Variants in SYNE2 observed in about 807,000 individuals in gnomAD.
The protein encoded by SYNE2 is spectrin repeat containing nuclear envelope protein 2.
SYNE2 carries 431 observed loss-of-function variants against 856.3 expected under a neutral mutation model. The observed-to-expected ratio is 0.50, with a 90% confidence interval of 0.47 to 0.55. The LOEUF is 0.55. SYNE2 is among the 20% of genes least tolerant of loss of function. SYNE2 has a pLI of 0.00. For missense variants in SYNE2, 8,129 were observed against 8,023.2 expected (o/e 1.01, Z -0.50); for synonymous variants, 2,923 against 2,872.3 (o/e 1.02, Z -0.56).
At position 64,188,653 on chromosome 14, in the gene SYNE2, A is replaced by G; in HGVS notation, c.17816A>G (p.Lys5939Arg). Reference sequence around the variant, plus strand: ...GCCTGGCTGGTGCAGATGGAAAACAAAGTTCTACAGACAGCGGACATTAGT... The same window carrying G: ...GCCTGGCTGGTGCAGATGGAAAACAGAGTTCTACAGACAGCGGACATTAGT... ...LCAWLVQMEN[K>R]VLQTADISIE... The change falls in exon 98 of 116, where the codon AAA (lysine) becomes AGA (arginine). Residue 5939 changes from lysine to arginine, a missense_variant. Around this residue, in one of 3 missense-constraint regions of SYNE2, gnomAD observed 5,410 missense variants for 5,284.8 expected, o/e 1.02. Coordinates refer to ENST00000555002, the MANE Select transcript of SYNE2 (RefSeq NM_182914.3). 1.2e-6 allele frequency: 2 copies of G among 1,614,230 alleles called. No individual in the cohort carries two copies. The highest frequency in any genetic ancestry group is 1.7e-6 in the Non-Finnish European group (2 of 1,180,042).
At chr14:64,097,818 G>A (rs2097689693) in intron 61 of SYNE2, 131 bp from the exon 62 acceptor site, 2 of 877,310 alleles carry the variant, frequency 2.3e-6, no homozygotes, top group African/African-American at 3.3e-5. Context: ...CCGTACCAGA[G>A]ACTAGCTTCT....
At chr14:63,966,574 C>A (rs890184058) in intron 10 of SYNE2, among the ~76,000 whole-genome samples, 3 of 151,470 alleles carry the variant, frequency 2.0e-5, no homozygotes, top group African/African-American at 4.8e-5. Flanking sequence ...TTTTTCCCCC[C>A]CCGAGACAGG....
chr14:63,846,856 C>T (rs897024424), intron 1 of SYNE2, among the ~76,000 whole-genome samples: 3 of 151,996 alleles, frequency 2.0e-5, no homozygotes, highest in Non-Finnish European at 2.9e-5. Context: ...CTCTGCCTCT[C>T]GAAGTGTTGG....
chr14:63,936,670 G>A (rs996651439), intron 2 of SYNE2, among the ~76,000 whole-genome samples: 5 of 152,352 alleles, frequency 3.3e-5, no homozygotes, highest in South Asian at 2.1e-4. Context: ...GCTGGGGCTT[G>A]TAGCCATCAT....
At chr14:64,151,483 A>AAAAAAAAAAAAAAG (rs1263244537) in intron 84 of SYNE2, among the ~76,000 whole-genome samples, 5 of 102,442 alleles carry the variant, frequency 4.9e-5, no homozygotes, top group African/African-American at 2.2e-4. Flanking sequence ...TCAAAAAAAA[A>AAAAAAAAAAAAAAG]GCTGGGATCC....
chr14:63,816,194 G>A (rs773015022), intron 1 of SYNE2, among the ~76,000 whole-genome samples: 16 of 151,962 alleles, frequency 1.1e-4, no homozygotes, highest in East Asian at 1.9e-4. Context: ...TGATATGCCC[G>A]CCTCGGCCTC....
intron 86 of SYNE2, among the ~76,000 whole-genome samples, 198 bp downstream of exon 86, chr14:64,158,993 G>C (rs2098307822): frequency 6.6e-6 from 1 of 151,944 alleles, no homozygotes; most frequent in South Asian, 2.1e-4. Context: ...TAAAATGTTT[G>C]AATTTTGAGT....
chr14:63,768,164 T>C (rs537650490), intron 1 of SYNE2, among the ~76,000 whole-genome samples: 1 of 151,842 alleles, frequency 6.6e-6, no homozygotes, highest in African/African-American at 2.4e-5. Flanking sequence ...CAATCCAGCC[T>C]GGGTGATGAA....
intron 16 of SYNE2, 92 bp from the exon 17 acceptor site, chr14:63,982,526 AAAAAAAAAAAAG>A: frequency 1.6e-6 from 2 of 1,241,388 alleles, no homozygotes; most frequent in Non-Finnish European, 2.2e-6. Context: ...TCTCAAAAAA[AAAAAAAAAAAAG>A]AAAAGAAAAA....
At chr14:64,167,719 G>A in intron 92 of SYNE2, 80 bp downstream of exon 92, 2 of 1,591,096 alleles carry the variant, frequency 1.3e-6, no homozygotes, top group Non-Finnish European at 1.7e-6. Context: ...ATAAAACACA[G>A]GGAGTGTACC....
chr14:64,158,589 A>C, intron 85 of SYNE2, 36 bp from the exon 86 acceptor site: 1 of 1,611,682 alleles, frequency 6.2e-7, no homozygotes, highest in South Asian at 1.1e-5. Flanking sequence ...CTTCTCAGTG[A>C]TTTTCTAAAT....
At chr14:64,179,549 T>A (rs1292684381) in intron 96 of SYNE2, among the ~76,000 whole-genome samples, 1 of 152,240 alleles carries the variant, frequency 6.6e-6, no homozygotes, top group African/African-American at 2.4e-5. Context: ...TATACAACAA[T>A]TTATATATCC....
At chr14:64,107,924 G>A (rs1447606687) in intron 65 of SYNE2, among the ~76,000 whole-genome samples, 1 of 152,124 alleles carries the variant, frequency 6.6e-6, no homozygotes, top group Non-Finnish European at 1.5e-5. Context: ...AGTAGAGAAG[G>A]GTTAATATTG....
In SYNE2 at chr14:63,802,981, A is replaced by G. The variant is rs563645947; in HGVS notation, c.-305+40995A>G. 5.5e-4 allele frequency among the ~76,000 whole-genome samples: 84 copies of G among 152,318 alleles called. No individual in the cohort carries two copies. In the South Asian group the frequency reaches 8.1e-3, roughly 15 times the overall value. On this transcript the variant is annotated intron_variant, in intron 1 of 23. Transcript: ENST00000674003. ...AGGAAGATTTATTGCAAAGAGCGAA[A>G]GAACAAAACTTCCACAGTGTGGAAG...
intron 1 of SYNE2, among the ~76,000 whole-genome samples, chr14:63,812,421 A>C (rs2139830016): frequency 6.6e-6 from 1 of 152,302 alleles, no homozygotes; most frequent in East Asian, 1.9e-4. Context: ...CACTGATTTC[A>C]TATTGTTCAA....
chr14:64,149,951 C>T (rs1430970955), intron 84 of SYNE2, among the ~76,000 whole-genome samples: 1 of 151,200 alleles, frequency 6.6e-6, no homozygotes, highest in African/African-American at 2.4e-5. Context: ...AACGAGCAAC[C>T]CCACCGTGTG....
chr14:64,056,219 C>G lies in SYNE2; in HGVS notation c.10020C>G (p.Asn3340Lys). Reference protein sequence around the residue: ...QYTLQELVSKNSAMKEAFKAQ... With the variant: ...QYTLQELVSKKSAMKEAFKAQ... The stretch of plus-strand genomic sequence containing the variant: ...CTTTACAGGAACTAGTTTCTAAGAA[C>G]TCAGCAATGAAGGAAGCTTTCAAAG... Residue 3340 changes from asparagine to lysine, a missense_variant, in exon 49 of 116, where the codon AAC (asparagine) becomes AAG (lysine). Around this residue, in one of 3 missense-constraint regions of SYNE2, gnomAD observed 5,410 missense variants for 5,284.8 expected, o/e 1.02. Coordinates refer to ENST00000555002, the MANE Select transcript of SYNE2 (RefSeq NM_182914.3). 1 of 1,613,988 alleles carries G rather than the reference C, an allele frequency of 6.2e-7. No individual in the cohort carries two copies. Among genetic ancestry groups the G allele is most frequent in the Non-Finnish European group, 8.5e-7 (1 of 1,179,956 alleles).
chr14:64,049,790 T>A lies in SYNE2; in HGVS notation c.7557T>A (p.Tyr2519Ter). ...TGAAGAAAAACAAAGAAAGCCAATA[T>A]TGTGTCCTCAGAGATTTTCAGGAAT... ...ITLKKNKESQ[Y>*]CVLRDFQEYL... The change falls in exon 47 of 116, where the codon TAT becomes TAA. Residue 2519 changes from tyrosine (Y) to a stop codon, truncating the protein, a stop_gained. Transcript: ENST00000555002. LOFTEE classifies it high-confidence loss of function. 1 of 1,614,146 alleles carries A rather than the reference T, an allele frequency of 6.2e-7. No homozygotes were observed. Among genetic ancestry groups the A allele is most frequent in the Non-Finnish European group, 8.5e-7 (1 of 1,180,008 alleles).
upstream of SYNE2, among the ~76,000 whole-genome samples, chr14:63,849,631 C>T (rs1333759237): frequency 1.3e-5 from 2 of 152,128 alleles, no homozygotes; most frequent in Non-Finnish European, 2.9e-5. Flanking sequence ...CTGTTGCCAT[C>T]CTTGTTTAGG....
Sources: allele counts gnomAD v4.1 joint callset (sites outside exome capture counted in the v4.1 genomes callset), GRCh38; gene constraint gnomAD v4.1.1; regional missense constraint gnomAD v4.1.1; transcripts MANE v1.5; gene names NCBI Gene and HGNC (gene_info 2026-07-23, HGNC 2026-07-21).